The following DLGAP2 variants were observed in gnomAD, a reference collection of about 807,000 sequenced individuals.
DLGAP2 encodes the protein DLG associated protein 2.
DLGAP2 carries 26 observed loss-of-function variants against 100.3 expected under a neutral mutation model. That is an observed-to-expected ratio of 0.26 (90% CI 0.19 to 0.36). The LOEUF (loss-of-function observed/expected upper bound fraction) is 0.36. Among genes scored for constraint, DLGAP2 ranks in the 10% least tolerant of loss-of-function variants. The pLI is 1.00. For synonymous variants in DLGAP2, 886 were observed against 630.1 expected (o/e 1.41, Z -6.08); for missense variants, 1,858 against 1,453.2 (o/e 1.28, Z -4.53).
At chr8:1,408,512 G>A (rs141194537) in intron 3 of DLGAP2, among the ~76,000 whole-genome samples, 2 of 152,318 alleles carry the variant, frequency 1.3e-5, no homozygotes, top group African/African-American at 4.8e-5. Flanking sequence ...TCTGGGCCTT[G>A]GATGATGAGG....
At chr8:1,013,094 C>A (rs1179666086) in intron 2 of DLGAP2, among the ~76,000 whole-genome samples, 2 of 152,162 alleles carry the variant, frequency 1.3e-5, no homozygotes, top group Non-Finnish European at 2.9e-5. Context: ...CACCTATGTT[C>A]TTTGTGGTCC....
In DLGAP2 at chr8:1,258,791, T is replaced by C. The variant is rs78725873; in HGVS notation, c.74-60T>C. 3,386 of 1,223,622 alleles carry C rather than the reference T, an allele frequency of 2.8e-3. 84 individuals carry two copies. In the East Asian group the frequency reaches 0.062, roughly 22 times the overall value. 75.8% of individuals were successfully genotyped at this position (1,223,622 alleles called of 1,614,324 possible). ...TTTTGTTGTTGCTGATGTTGAATCTTTTTAACTGCATGGTTGAGACCCTGT... is the reference window on the plus strand; with the variant it reads ...TTTTGTTGTTGCTGATGTTGAATCTCTTTAACTGCATGGTTGAGACCCTGT... On this transcript the variant is annotated intron_variant, in intron 2 of 14. Coordinates refer to ENST00000637795, the MANE Select transcript of DLGAP2 (RefSeq NM_001346810.2).
At chr8:1,008,478 G>C (rs144374738) in intron 2 of DLGAP2, among the ~76,000 whole-genome samples, 1 of 152,290 alleles carries the variant, frequency 6.6e-6, no homozygotes, top group African/African-American at 2.4e-5. Flanking sequence ...AGGAAACAAA[G>C]CTAACATTTG....
At chr8:1,390,804 T>G (rs935104331) in intron 3 of DLGAP2, among the ~76,000 whole-genome samples, 1 of 152,180 alleles carries the variant, frequency 6.6e-6, no homozygotes, top group East Asian at 1.9e-4. Context: ...AAGTCTCTTA[T>G]CCACAGAGCG....
rs1401693759 is a variant in DLGAP2, at chr8:1,704,888, T to G, written c.*3482T>G. 1 of 152,206 alleles carries G rather than the reference T, an allele frequency of 6.6e-6. No homozygotes were observed. Among genetic ancestry groups the G allele is most frequent in the Non-Finnish European group, 1.5e-5 (1 of 68,030 alleles). 9.4% of individuals were successfully genotyped at this position (152,206 alleles called of 1,614,324 possible). On this transcript the variant is annotated 3_prime_UTR_variant, in exon 15 of 15. Transcript: ENST00000637795. ...AGAAGACACAGTGGCAGAGCACACATGTGCACAGGTTCTGATTATTTCTCT... is the reference window on the plus strand; with the variant it reads ...AGAAGACACAGTGGCAGAGCACACAGGTGCACAGGTTCTGATTATTTCTCT...
chr8:1,148,622 T>A (rs1035968290), intron 2 of DLGAP2, among the ~76,000 whole-genome samples: 14 of 152,136 alleles, frequency 9.2e-5, no homozygotes, highest in African/African-American at 3.4e-4. Flanking sequence ...AATAATTGAA[T>A]GAGCTTCAGC....
intron 2 of DLGAP2, among the ~76,000 whole-genome samples, chr8:1,202,021 G>T (rs1039024911): frequency 4.6e-5 from 7 of 150,972 alleles, no homozygotes; most frequent in Non-Finnish European, 1.0e-4. Flanking sequence ...ATGTGTCTAT[G>T]TACATGTGTG....
chr8:1,228,281 A>G (rs1028335212), intron 2 of DLGAP2, among the ~76,000 whole-genome samples: 2 of 152,224 alleles, frequency 1.3e-5, no homozygotes, highest in Non-Finnish European at 2.9e-5. Context: ...GAAATCTGAA[A>G]AGATCTATAA....
At chr8:1,490,094 G>T (rs1310663158) in intron 3 of DLGAP2, among the ~76,000 whole-genome samples, 1 of 152,054 alleles carries the variant, frequency 6.6e-6, no homozygotes, top group Non-Finnish European at 1.5e-5. Flanking sequence ...GTTTCACTAT[G>T]TTGGCCAGGC....
At chr8:1,690,086 G>A (rs1799218421) in intron 12 of DLGAP2, among the ~76,000 whole-genome samples, 1 of 152,168 alleles carries the variant, frequency 6.6e-6, no homozygotes, top group Admixed American at 6.5e-5. Context: ...GCCGGGTGCG[G>A]TGGCTCACGC....
At chr8:1,271,627 G>T (rs1024037128) in intron 3 of DLGAP2, among the ~76,000 whole-genome samples, 2 of 152,094 alleles carry the variant, frequency 1.3e-5, no homozygotes, top group African/African-American at 2.4e-5. Context: ...GATGAATATT[G>T]ATCTACTGTT....
rs1803282640 is a variant in DLGAP2, at chr8:1,581,914, C to CCG, written c.1442+16021_1442+16022insGC. ...AGAAGTGAAGGATACAGACAAAACA[C>CCG]CACACATCTACACACCACAGTCAAA... On this transcript the variant is annotated intron_variant, in intron 6 of 14. Transcript: ENST00000637795. Among the ~76,000 whole-genome samples, 38 of 147,472 alleles carry CCG rather than the reference C, an allele frequency of 2.6e-4. No individual in the cohort carries two copies. The South Asian group carries it at 6.4e-3, about 25-fold the overall frequency.
chr8:1,178,244 C>A (rs1470712129), intron 2 of DLGAP2, among the ~76,000 whole-genome samples: 1 of 152,204 alleles, frequency 6.6e-6, no homozygotes, highest in African/African-American at 2.4e-5. Flanking sequence ...TATGGAGTTA[C>A]CACGTGATAG....
chr8:854,715 C>T lies in DLGAP2; in HGVS notation c.19-53197C>T, dbSNP rs114391245. Among the ~76,000 whole-genome samples, 1,358 of 152,036 alleles carry T rather than the reference C, an allele frequency of 8.9e-3. 14 individuals are homozygous for T. The highest frequency in any genetic ancestry group is 0.031 in the African/African-American group (1,287 of 41,392). On this transcript the variant is annotated intron_variant, in intron 1 of 14. Transcript: ENST00000637795. ...TGCAGGGGTGAGGGGACATGGAGGGCCAGGGCTGTCTGCAGTCTGCAATGG... is the reference window on the plus strand; with the variant it reads ...TGCAGGGGTGAGGGGACATGGAGGGTCAGGGCTGTCTGCAGTCTGCAATGG...
At chr8:1,224,418 A>G (rs1374950120) in intron 2 of DLGAP2, among the ~76,000 whole-genome samples, 4 of 152,234 alleles carry the variant, frequency 2.6e-5, no homozygotes, top group African/African-American at 9.6e-5. Context: ...TATTGAATTA[A>G]TACATATTTA....
At chr8:1,538,244 C>T (rs537131210) in intron 4 of DLGAP2, among the ~76,000 whole-genome samples, 5 of 152,278 alleles carry the variant, frequency 3.3e-5, no homozygotes, top group Non-Finnish European at 5.9e-5. Context: ...CTGCATCCAC[C>T]CAAATACACT....
At chr8:1,597,210 T>A (rs1055985735) in intron 6 of DLGAP2, among the ~76,000 whole-genome samples, 1 of 152,198 alleles carries the variant, frequency 6.6e-6, no homozygotes, top group African/African-American at 2.4e-5. Flanking sequence ...CTCTGTTCTG[T>A]TCCATTGGCC....
chr8:1,202,115 GTGTATC>G (rs953761043), intron 2 of DLGAP2, among the ~76,000 whole-genome samples: 8 of 151,660 alleles, frequency 5.3e-5, no homozygotes, highest in Admixed American at 2.6e-4. Flanking sequence ...TACAGCATCT[GTGTATC>G]TGTGTGTCTG....
intron 1 of DLGAP2, among the ~76,000 whole-genome samples, chr8:789,818 C>A (rs1384977318): frequency 1.3e-5 from 2 of 152,186 alleles, no homozygotes; most frequent in African/African-American, 2.4e-5. Context: ...AGGATTGTTT[C>A]TCTCTCTCAG....
Sources: gnomAD v4.1 joint callset for allele counts (sites outside exome capture counted in the v4.1 genomes callset) on GRCh38, gnomAD v4.1.1 for gene constraint, MANE v1.5 for transcripts, NCBI Gene and HGNC (gene_info 2026-07-23, HGNC 2026-07-21) for gene names.